The following ZNF19 variants were observed in gnomAD, a reference collection of about 807,000 sequenced individuals.
The protein encoded by ZNF19 is zinc finger protein 19 (KOX 12).
ZNF19 carries 11 observed loss-of-function variants against 13.1 expected under a neutral mutation model. The observed-to-expected ratio is 0.84, with a 90% CI of 0.53 to 1.39. The LOEUF is 1.39. Among genes scored for constraint, ZNF19 ranks in the 40% most tolerant of loss-of-function variants. ZNF19 has a pLI of 0.00. For synonymous variants in ZNF19, 186 were observed against 187.0 expected (o/e 0.99, Z 0.04); for missense variants, 560 against 547.0 (o/e 1.02, Z -0.24).
At chr16:71,483,944 T>A (rs1025478789) in intron 2 of ZNF19, among the ~76,000 whole-genome samples, 1 of 152,174 alleles carries the variant, frequency 6.6e-6, no homozygotes, top group Admixed American at 6.5e-5. Context: ...AGAAAATAAA[T>A]TAACTAAGGT....
At chr16:71,486,355 T>C (rs1031844181) in intron 1 of ZNF19, among the ~76,000 whole-genome samples, 2 of 149,018 alleles carry the variant, frequency 1.3e-5, no homozygotes, top group African/African-American at 5.2e-5. Context: ...AGCGAGACCC[T>C]GTCAAAAAAA....
chr16:71,478,519 A>T, intron 4 of ZNF19, 178 bp from the exon 5 acceptor site: 1 of 704,186 alleles, frequency 1.4e-6, no homozygotes, highest in Non-Finnish European at 2.6e-6. Context: ...TAAAAAAAAC[A>T]CTCAAGGATA....
intron 3 of ZNF19, chr16:71,479,250 C>G (rs1347772366): frequency 5.6e-6 from 3 of 538,514 alleles, no homozygotes; most frequent in Non-Finnish European, 9.8e-6. Context: ...TGTGATTTAA[C>G]ATTTTTTAAA....
chr16:71,481,573 T>C (rs1388197972), intron 3 of ZNF19, among the ~76,000 whole-genome samples: 3 of 152,142 alleles, frequency 2.0e-5, no homozygotes, highest in South Asian at 2.1e-4. Context: ...TCACAGCCCA[T>C]TGCCTCACTT....
At chr16:71,484,478 G>C in intron 2 of ZNF19, 111 bp downstream of exon 2, 1 of 978,730 alleles carries the variant, frequency 1.0e-6, no homozygotes, top group Non-Finnish European at 1.2e-6. Context: ...TCCCGGAGGG[G>C]CCGCCCTGTC....
intron 3 of ZNF19, among the ~76,000 whole-genome samples, chr16:71,481,723 A>C (rs2043638104): frequency 6.6e-6 from 1 of 151,898 alleles, no homozygotes. Flanking sequence ...CTTCCCAAAA[A>C]CCTTGTGCCC....
intron 3 of ZNF19, among the ~76,000 whole-genome samples, chr16:71,481,243 G>A (rs2145170025): frequency 6.6e-6 from 1 of 152,290 alleles, no homozygotes; most frequent in South Asian, 2.1e-4. Flanking sequence ...ATATATCAGT[G>A]ACACAGTCAG....
At chr16:71,476,976 TTTAC>T (rs1344547486) in intron 5 of ZNF19, among the ~76,000 whole-genome samples, 3 of 152,182 alleles carry the variant, frequency 2.0e-5, no homozygotes, top group African/African-American at 7.2e-5. Context: ...GGATGAACAG[TTTAC>T]TTAGACACAC....
At chr16:71,485,885 C>A (rs1407114667) in intron 1 of ZNF19, among the ~76,000 whole-genome samples, 1 of 152,146 alleles carries the variant, frequency 6.6e-6, no homozygotes, top group African/African-American at 2.4e-5. Flanking sequence ...ACCTCATAAC[C>A]ATCAGCAGTC....
At chr16:71,479,319 T>C (rs558588872) in intron 3 of ZNF19, among the ~76,000 whole-genome samples, 5 of 152,342 alleles carry the variant, frequency 3.3e-5, no homozygotes, top group African/African-American at 1.2e-4. Context: ...CTCTTTGATT[T>C]AGTAAATATT....
At position 71,475,480 on chromosome 16, in the gene ZNF19, G is replaced by A. The variant is rs1443412027; in HGVS notation, c.1067C>T (p.Pro356Leu). The stretch of plus-strand genomic sequence containing the variant: ...TTTTCCACAATCTACACAGTCAAAG[G>A]GTTTCTCCTCACTGTGAATTCTCTG... Reference protein sequence around the residue: ...RHQRIHSEEKPFDCVDCGKAF... With the variant: ...RHQRIHSEEKLFDCVDCGKAF... Residue 356 changes from proline to leucine, a missense_variant, in exon 6 of 6, where the codon CCC becomes CTC. Pro to Leu is a moderately conservative substitution (Grantham distance 98). Coordinates refer to ENST00000288177, the MANE Select transcript of ZNF19 (RefSeq NM_006961.4). 5.6e-6 allele frequency: 9 copies of A among 1,614,030 alleles called. No individual in the cohort carries two copies. The African/African-American group carries it at 1.2e-4, about 22-fold the overall frequency.
At chr16:71,480,627 A>G (rs2043631286) in intron 3 of ZNF19, among the ~76,000 whole-genome samples, 2 of 152,182 alleles carry the variant, frequency 1.3e-5, no homozygotes, top group African/African-American at 4.8e-5. Context: ...GGGACACTTT[A>G]GCTCTACTTC....
At position 71,478,946 on chromosome 16, in the gene ZNF19, AAGGCCAG is replaced by A; in HGVS notation, c.86_92del (p.Thr29IlefsTer12). On this transcript the variant is annotated frameshift_variant, in exon 4 of 6. Coordinates refer to ENST00000288177, the MANE Select transcript of ZNF19 (RefSeq NM_006961.4). LOFTEE classifies it high-confidence loss of function. ...TGTACAGGGCCCTCTGGGCAGGAGA[AAGGCCAG>A]TCCATTCTGTCTTGGTGAAGTGCAC... The A allele has an allele frequency of 6.2e-7, 1 of 1,614,242 alleles. No individual in the cohort carries two copies. Among genetic ancestry groups the A allele is most frequent in the Non-Finnish European group, 8.5e-7 (1 of 1,180,040 alleles).
chr16:71,475,830 G>A lies in ZNF19; in HGVS notation c.717C>T (p.His239=). The change falls in exon 6 of 6, where the codon CAC becomes CAT. Residue 239 remains histidine (H), a synonymous_variant. Transcript: ENST00000288177. ...TACAGTAATAGGGTCTGTCCCCACT[G>A]TGGATTCTCTGATGCCTGATCAGAT... The part of the protein sequence containing the change: ...NANLIRHQRI[H]SGDRPYYCTE... 1 of 1,613,932 alleles carries A rather than the reference G, an allele frequency of 6.2e-7. No individual in the cohort carries two copies. Among genetic ancestry groups the A allele is most frequent in the Non-Finnish European group, 8.5e-7 (1 of 1,179,984 alleles).
chr16:71,479,535 G>C (rs570359976), intron 3 of ZNF19, among the ~76,000 whole-genome samples: 105 of 152,138 alleles, frequency 6.9e-4, no homozygotes, highest in African/African-American at 2.5e-3. Context: ...ACTCCCATTC[G>C]ATTCTTGTAT....
At position 71,475,828 on chromosome 16, in the gene ZNF19, C is replaced by A. The variant is rs767626355; in HGVS notation, c.719G>T (p.Ser240Ile). The A allele has an allele frequency of 3.1e-6, 5 of 1,613,716 alleles. No homozygotes were observed. The highest frequency in any genetic ancestry group is 2.7e-5 in the African/African-American group (2 of 74,788). Residue 240 changes from serine to isoleucine, a missense_variant, in exon 6 of 6, where the codon AGT becomes ATT. Ser to Ile is a moderately radical substitution (Grantham distance 142). Transcript: ENST00000288177. Reference sequence around the variant, plus strand: ...TGTACAGTAATAGGGTCTGTCCCCACTGTGGATTCTCTGATGCCTGATCAG... The same window carrying A: ...TGTACAGTAATAGGGTCTGTCCCCAATGTGGATTCTCTGATGCCTGATCAG... ...ANLIRHQRIHSGDRPYYCTEC... is the reference protein window; with the variant it reads ...ANLIRHQRIHIGDRPYYCTEC...
Position 71,474,564 on chromosome 16 carries a change from A to G in ZNF19, c.*606T>C, listed in dbSNP as rs556175630. On this transcript the variant is annotated 3_prime_UTR_variant, in exon 6 of 6. Transcript: ENST00000288177. ...CTCCAGTGTTACAGTGGGCTTCCCA[A>G]TCTCATCACAATCATGGGGTTGAGG... 3.9e-5 allele frequency: 6 copies of G among 152,800 alleles called. No homozygotes were observed. Among genetic ancestry groups the G allele is most frequent in the Non-Finnish European group, 5.8e-5 (4 of 68,408 alleles). The allele number at this position is 152,800 out of a possible 1,614,324, so 9.5% of individuals were successfully genotyped here.
chr16:71,486,149 C>G (rs1233010583), intron 1 of ZNF19, among the ~76,000 whole-genome samples: 5 of 150,364 alleles, frequency 3.3e-5, no homozygotes, highest in African/African-American at 7.4e-5. Context: ...TTCAAACCAG[C>G]CTGGGCAACA....
intron 5 of ZNF19, 87 bp from the exon 6 acceptor site, chr16:71,476,359 A>C: frequency 1.4e-6 from 2 of 1,402,976 alleles, no homozygotes; most frequent in Non-Finnish European, 1.9e-6. Context: ...AGGCTTTAAA[A>C]GAGATCATTT....
Sources: allele counts gnomAD v4.1 joint callset (sites outside exome capture counted in the v4.1 genomes callset), GRCh38; gene constraint gnomAD v4.1.1; transcripts MANE v1.5; gene names NCBI Gene and HGNC (gene_info 2026-07-23, HGNC 2026-07-21).